URI1: variants seen among roughly 807,000 people sequenced by gnomAD.
The protein encoded by URI1 is unconventional prefoldin RPB5 interactor 1.
URI1 carries 39 observed loss-of-function variants against 60.2 expected under a neutral mutation model. That is an observed-to-expected ratio of 0.65 (90% CI 0.50 to 0.85). The LOEUF (loss-of-function observed/expected upper bound fraction) is 0.85, where lower values mean the gene tolerates loss of function less well. Among genes scored for constraint, URI1 ranks in the 40% least tolerant of loss-of-function variants. The pLI is 0.00. For missense variants in URI1, 691 were observed against 665.9 expected (o/e 1.04, Z -0.42); for synonymous variants, 251 against 236.8 (o/e 1.06, Z -0.55).
At chr19:29,952,549 A>G (rs895320176) in intron 1 of URI1, among the ~76,000 whole-genome samples, 6 of 152,174 alleles carry the variant, frequency 3.9e-5, no homozygotes, top group African/African-American at 1.2e-4. Context: ...ACAAAGATAA[A>G]CCATTACAGA....
chr19:29,949,756 G>A (rs534377690), intron 1 of URI1, among the ~76,000 whole-genome samples: 2 of 152,286 alleles, frequency 1.3e-5, no homozygotes, highest in African/African-American at 4.8e-5. Context: ...AAAAAAATAC[G>A]AAAACCACTC....
intron 1 of URI1, chr19:29,957,036 A>G (rs1416145212): frequency 1.7e-6 from 1 of 596,226 alleles, no homozygotes; most frequent in African/African-American, 1.9e-5. Flanking sequence ...TAGTCTTTTT[A>G]AGAATGCAAA....
chr19:30,012,196 C>G, intron 9 of URI1, 89 bp from the exon 10 acceptor site: 1 of 1,445,088 alleles, frequency 6.9e-7, no homozygotes, highest in Middle Eastern at 1.9e-4. Flanking sequence ...AGATTAATTT[C>G]TAGAATAGAT....
intron 4 of URI1, among the ~76,000 whole-genome samples, chr19:30,001,341 T>C (rs2055876037): frequency 6.6e-6 from 1 of 151,948 alleles, no homozygotes; most frequent in Non-Finnish European, 1.5e-5. Flanking sequence ...GAGCAATCTT[T>C]AAGTATCAGC....
chr19:29,957,250 A>C (rs1005639182), intron 1 of URI1, among the ~76,000 whole-genome samples: 2 of 132,754 alleles, frequency 1.5e-5, no homozygotes, highest in East Asian at 4.4e-4. Flanking sequence ...TGTCAATCAA[A>C]TGAAGGTCTG....
intron 1 of URI1, among the ~76,000 whole-genome samples, chr19:29,946,982 G>A (rs2055110685): frequency 6.6e-6 from 1 of 152,198 alleles, no homozygotes; most frequent in Non-Finnish European, 1.5e-5. Flanking sequence ...TAAGAGGCGT[G>A]TAGAGAATGA....
intron 1 of URI1, among the ~76,000 whole-genome samples, chr19:29,965,477 ATTC>A (rs1406560102): frequency 1.3e-5 from 2 of 152,238 alleles, no homozygotes; most frequent in African/African-American, 4.8e-5. Context: ...AAACACAGTT[ATTC>A]TTAAGTTTAT....
In URI1 at chr19:30,015,564, A is replaced by G. The variant is rs2056075955; in HGVS notation, c.*495A>G. On this transcript the variant is annotated 3_prime_UTR_variant, in exon 11 of 11. Coordinates refer to ENST00000392271, the MANE Select transcript of URI1 (RefSeq NM_003796.3). Reference sequence around the variant, plus strand: ...TTGCGGCTAGTTGGCTATTCAAGAAACCTCGCCCCTCTGAATGTCATACTG... The same window carrying G: ...TTGCGGCTAGTTGGCTATTCAAGAAGCCTCGCCCCTCTGAATGTCATACTG... 2.0e-6 allele frequency: 3 copies of G among 1,535,036 alleles called. No homozygotes were observed. Among genetic ancestry groups the G allele is most frequent in the Non-Finnish European group, 1.7e-6 (2 of 1,146,264 alleles).
chr19:29,944,156 T>TAC (rs2055070027), intron 1 of URI1, among the ~76,000 whole-genome samples: 2 of 53,456 alleles, frequency 3.7e-5, no homozygotes, highest in Non-Finnish European at 6.2e-5. Context: ...TATATATATA[T>TAC]ATATATATAT....
At position 30,014,901 on chromosome 19, in the gene URI1, T is replaced by C. The variant is rs1423696136; in HGVS notation, c.1440T>C (p.Thr480=). Residue 480 remains threonine (T), a synonymous_variant, in exon 11 of 11, where the codon ACT becomes ACC. Transcript: ENST00000392271. ...LSVTPEAFSG[T]VIEKEFVSPS... is the part of the protein sequence containing the mutation. ...TTGTTTTCTAGGCTTTTTCTGGAACTGTTATAGAAAAAGAATTTGTATCAC... is the reference window on the plus strand; with the variant it reads ...TTGTTTTCTAGGCTTTTTCTGGAACCGTTATAGAAAAAGAATTTGTATCAC... 3 of 1,611,178 alleles carry C rather than the reference T, an allele frequency of 1.9e-6. No homozygotes were observed. Among genetic ancestry groups the C allele is most frequent in the Admixed American group, 1.7e-5 (1 of 59,622 alleles).
chr19:29,978,729 A>T (rs552773756), intron 2 of URI1, among the ~76,000 whole-genome samples: 32 of 152,296 alleles, frequency 2.1e-4, no homozygotes, highest in African/African-American at 7.7e-4. Flanking sequence ...AGGCTGTGAA[A>T]AATGGAGGCA....
At chr19:29,933,005 T>A (rs1348575654) in intron 1 of URI1, among the ~76,000 whole-genome samples, 1 of 152,196 alleles carries the variant, frequency 6.6e-6, no homozygotes, top group Non-Finnish European at 1.5e-5. Context: ...TGGAATAAAT[T>A]CCACTTGTTC....
At chr19:29,999,334 C>T (rs2055850133) in intron 4 of URI1, among the ~76,000 whole-genome samples, 1 of 152,108 alleles carries the variant, frequency 6.6e-6, no homozygotes, top group Admixed American at 6.5e-5. Flanking sequence ...CTTCCTTTAG[C>T]ATTTCTTGGA....
intron 2 of URI1, among the ~76,000 whole-genome samples, chr19:29,979,973 A>G (rs1055673854): frequency 1.3e-5 from 2 of 152,314 alleles, no homozygotes; most frequent in South Asian, 2.1e-4. Context: ...TGCATAAAGC[A>G]TAACAGTATA....
At chr19:29,960,077 A>G (rs1391472540) in intron 1 of URI1, among the ~76,000 whole-genome samples, 6 of 152,104 alleles carry the variant, frequency 3.9e-5, no homozygotes, top group Admixed American at 3.9e-4. Flanking sequence ...TTGCTCATTG[A>G]CCCATAAATT....
intron 4 of URI1, among the ~76,000 whole-genome samples, chr19:29,995,531 C>A (rs2055800531): frequency 8.1e-6 from 1 of 123,876 alleles, no homozygotes. Context: ...CTTTTACTTT[C>A]TTCTTTTATT....
At chr19:29,975,362 A>G (rs1323454762) in intron 2 of URI1, among the ~76,000 whole-genome samples, 1 of 152,172 alleles carries the variant, frequency 6.6e-6, no homozygotes, top group Non-Finnish European at 1.5e-5. Flanking sequence ...AAGACTATAT[A>G]TTAACTTTTT....
intron 1 of URI1, among the ~76,000 whole-genome samples, chr19:29,968,494 C>A (rs944794049): frequency 6.7e-6 from 1 of 148,630 alleles, no homozygotes; most frequent in East Asian, 2.0e-4. Context: ...AATAATTTAA[C>A]TTAAGGGAAA....
At chr19:29,940,074 G>A (rs1007187015), upstream of URI1, among the ~76,000 whole-genome samples, 2 of 152,190 alleles carry the variant, frequency 1.3e-5, no homozygotes, top group Non-Finnish European at 2.9e-5. Flanking sequence ...ATAGAAAATT[G>A]TCCTGGTCAT....
Sources: allele counts gnomAD v4.1 joint callset (sites outside exome capture counted in the v4.1 genomes callset), GRCh38; gene constraint gnomAD v4.1.1; transcripts MANE v1.5; gene names NCBI Gene and HGNC (gene_info 2026-07-23, HGNC 2026-07-21).